The following OSBPL1A variants were observed in gnomAD, a reference collection of about 807,000 sequenced individuals.
OSBPL1A encodes the protein oxysterol binding protein like 1A.
A neutral mutation model predicts 137.1 loss-of-function variants in OSBPL1A; 80 were observed. The observed-to-expected ratio is 0.58, with a 90% CI of 0.49 to 0.70. The LOEUF (loss-of-function observed/expected upper bound fraction) is 0.70. OSBPL1A is among the 30% of genes least tolerant of loss of function. OSBPL1A has a pLI of 0.00. For synonymous variants in OSBPL1A, 365 were observed against 389.7 expected, an observed-to-expected ratio of 0.94 and a Z score of 0.75; for missense variants, 970 against 1,129.4, an observed-to-expected ratio of 0.86 and a Z score of 2.02.
intron 13 of OSBPL1A, among the ~76,000 whole-genome samples, chr18:24,308,020 A>G (rs1045596120): frequency 3.9e-5 from 6 of 152,052 alleles, no homozygotes; most frequent in African/African-American, 1.4e-4. Flanking sequence ...TCCTGGCCTC[A>G]TGTGATCTGC....
chr18:24,238,577 T>G (rs2088573464), intron 16 of OSBPL1A, among the ~76,000 whole-genome samples: 1 of 152,222 alleles, frequency 6.6e-6, no homozygotes, highest in Non-Finnish European at 1.5e-5. Flanking sequence ...AAATGGACAC[T>G]ATAATTATCC....
rs567874457 is a variant in OSBPL1A, at chr18:24,190,747, G to A, written c.1677+5378C>T. ...AAAGCTCCAAACCTTATCTAGCTCCGCATCTATCTTAGAGTTGGAATGCAA... is the reference window on the plus strand; with the variant it reads ...AAAGCTCCAAACCTTATCTAGCTCCACATCTATCTTAGAGTTGGAATGCAA... On this transcript the variant is annotated intron_variant, in intron 18 of 27. Coordinates refer to ENST00000319481, the MANE Select transcript of OSBPL1A (RefSeq NM_080597.4). Among the ~76,000 whole-genome samples the A allele has an allele frequency of 2.0e-4, 31 of 152,316 alleles. No individual in the cohort carries two copies. The South Asian group carries it at 3.7e-3, about 18-fold the overall frequency.
chr18:24,263,791 G>C (rs954472959), intron 15 of OSBPL1A, among the ~76,000 whole-genome samples: 3 of 151,768 alleles, frequency 2.0e-5, no homozygotes, highest in Non-Finnish European at 4.4e-5. Context: ...ATGCGTCACT[G>C]CACCTGGCTA....
intron 4 of OSBPL1A, among the ~76,000 whole-genome samples, chr18:24,343,361 T>G (rs7231692): frequency 0.12 from 17,762 of 152,058 alleles, 1,213 homozygotes; most frequent in East Asian, 0.31. Context: ...CCAGCGATCA[T>G]GGATGGAAAG....
chr18:24,366,608 T>TAAA (rs546254870), intron 4 of OSBPL1A: 6 of 247,390 alleles, frequency 2.4e-5, no homozygotes, highest in East Asian at 2.4e-4. Flanking sequence ...ATTTTTTTTT[T>TAAA]AAAAAAAAGA....
At chr18:24,216,422 G>T (rs1429023319) in intron 17 of OSBPL1A, among the ~76,000 whole-genome samples, 1 of 152,208 alleles carries the variant, frequency 6.6e-6, no homozygotes, top group Non-Finnish European at 1.5e-5. Context: ...CAGGAGAATT[G>T]CTTGAACCCG....
At position 24,185,456 on chromosome 18, in the gene OSBPL1A, A is replaced by G. The variant is rs546130095; in HGVS notation, c.1678-4177T>C. Among the ~76,000 whole-genome samples, 47 of 151,596 alleles carry G rather than the reference A, an allele frequency of 3.1e-4. No individual in the cohort carries two copies. In the South Asian group the frequency reaches 9.2e-3, roughly 30 times the overall value. On this transcript the variant is annotated intron_variant, in intron 18 of 27. Coordinates refer to ENST00000319481, the MANE Select transcript of OSBPL1A (RefSeq NM_080597.4). ...TGCCTCAGCCTCCCAAGGAGCTGGG[A>G]CTACAGGCACGTGCTACCACGCCCA...
At chr18:24,381,558 A>C (rs759449620) in intron 1 of OSBPL1A, among the ~76,000 whole-genome samples, 81 of 152,296 alleles carry the variant, frequency 5.3e-4, no homozygotes, top group Non-Finnish European at 7.8e-4. Flanking sequence ...TCAGTTTGCT[A>C]ATCAGCTTTT....
rs527545569 is a variant in OSBPL1A at position 24,162,110 on chromosome 18, A to ACTT, written c.*1066_*1068dup. 2.6e-5 allele frequency: 4 copies of ACTT among 152,392 alleles called. 1 individual carries two copies. Among genetic ancestry groups the ACTT allele is most frequent in the African/African-American group, 7.2e-5 (3 of 41,580 alleles). 9.4% of individuals were successfully genotyped at this position (152,392 alleles called of 1,614,324 possible). Reference sequence around the variant, plus strand: ...GATTATTTCATTATAACACTTGTTAACTTCAAGACAGCAATTAAAATCACG... The same window carrying ACTT: ...GATTATTTCATTATAACACTTGTTAACTTCTTCAAGACAGCAATTAAAATCACG... On this transcript the variant is annotated 3_prime_UTR_variant, in exon 28 of 28. Transcript: ENST00000319481.
intron 1 of OSBPL1A, among the ~76,000 whole-genome samples, chr18:24,391,096 T>A (rs1907324355): frequency 6.6e-6 from 1 of 152,120 alleles, no homozygotes; most frequent in East Asian, 1.9e-4. Flanking sequence ...AGCAAGACTC[T>A]GTCTCAATCG....
intron 14 of OSBPL1A, among the ~76,000 whole-genome samples, chr18:24,285,706 A>C (rs2090056071): frequency 6.6e-6 from 1 of 152,224 alleles, no homozygotes; most frequent in Admixed American, 6.5e-5. Flanking sequence ...AATAGTCCAA[A>C]AACTACAAAA....
At chr18:24,166,536 G>A (rs185299985) in intron 26 of OSBPL1A, 43 bp downstream of exon 26, 25 of 1,576,946 alleles carry the variant, frequency 1.6e-5, no homozygotes, top group East Asian at 1.1e-4. Context: ...ATCATCCCCC[G>A]AGAAATGAGT....
Position 24,171,424 on chromosome 18 carries a change from T to C in OSBPL1A, c.2276A>G (p.Tyr759Cys). 1 of 1,612,570 alleles carries C rather than the reference T, an allele frequency of 6.2e-7. No individual in the cohort carries two copies. The highest frequency in any genetic ancestry group is 8.5e-7 in the Non-Finnish European group (1 of 1,178,972). ...FGKELHKVEG[Y>C]IQDKSKKKLC... ...GAAATTTTACCTTTTATCTTGAATGTAGCCTTCAACTTTGTGTAATTCCTT... is the reference window on the plus strand; with the variant it reads ...GAAATTTTACCTTTTATCTTGAATGCAGCCTTCAACTTTGTGTAATTCCTT... Residue 759 changes from tyrosine (Y) to cysteine (C), a missense_variant, in exon 23 of 28, where the codon TAC becomes TGC. Tyr to Cys is a radical substitution (Grantham distance 194, BLOSUM62 -2). Around this residue, in one of 2 missense-constraint regions of OSBPL1A, gnomAD observed 323 missense variants for 456.8 expected, o/e 0.71. Transcript: ENST00000319481.
intron 15 of OSBPL1A, among the ~76,000 whole-genome samples, chr18:24,249,232 C>A (rs1473125036): frequency 6.6e-6 from 1 of 152,200 alleles, no homozygotes; most frequent in Admixed American, 6.5e-5. Context: ...GGATTATATT[C>A]CTAAAAGTAC....
chr18:24,327,280 T>C (rs1460272750), intron 7 of OSBPL1A, among the ~76,000 whole-genome samples: 1 of 151,198 alleles, frequency 6.6e-6, no homozygotes, highest in East Asian at 2.0e-4. Flanking sequence ...GCTAATTTTG[T>C]ATTTTTAGTA....
chr18:24,196,227 G>T (rs2087026865), intron 17 of OSBPL1A, 27 bp from the exon 18 acceptor site: 16 of 1,521,856 alleles, frequency 1.1e-5, no homozygotes, highest in African/African-American at 1.4e-5. Context: ...AAAACATAAA[G>T]TTCATTCTAA....
intron 17 of OSBPL1A, among the ~76,000 whole-genome samples, chr18:24,206,443 CT>C (rs1241142231): frequency 6.6e-6 from 1 of 152,156 alleles, no homozygotes; most frequent in East Asian, 1.9e-4. Context: ...CATTGGTATT[CT>C]TTGTTTTAAT....
intron 18 of OSBPL1A, among the ~76,000 whole-genome samples, chr18:24,184,679 C>T (rs998965742): frequency 3.9e-4 from 60 of 152,100 alleles, no homozygotes; most frequent in Non-Finnish European, 1.5e-4. Context: ...AATACAATTC[C>T]TTGGGAAACG....
intron 14 of OSBPL1A, among the ~76,000 whole-genome samples, chr18:24,289,817 G>C (rs570564506): frequency 1.3e-5 from 2 of 152,108 alleles, no homozygotes; most frequent in Non-Finnish European, 2.9e-5. Context: ...AGTTATATAG[G>C]CTCCCTGTGC....
Sources: gnomAD v4.1 joint callset for allele counts (sites outside exome capture counted in the v4.1 genomes callset) on GRCh38, gnomAD v4.1.1 for gene constraint, gnomAD v4.1.1 regional missense constraint, MANE v1.5 for transcripts, NCBI Gene and HGNC (gene_info 2026-07-23, HGNC 2026-07-21) for gene names.